The following ANO1 variants were observed in gnomAD, a reference collection of about 807,000 sequenced individuals.
ANO1 encodes the protein anoctamin-1.
ANO1 carries 59 observed loss-of-function variants against 124.0 expected under a neutral mutation model. That is an observed-to-expected ratio of 0.48 (90% CI 0.39 to 0.59). The LOEUF (loss-of-function observed/expected upper bound fraction) is 0.59. Ranked by LOEUF, ANO1 falls within the 20% of genes least tolerant of loss-of-function variation. The probability of loss-of-function intolerance (pLI) is 0.00; values close to 1 mark genes in which losing one functional copy is unlikely to be tolerated. For synonymous variants in ANO1, 529 were observed against 532.0 expected (o/e 0.99, Z 0.08); for missense variants, 1,059 against 1,328.0 (o/e 0.80, Z 3.15).
At chr11:70,065,932 GT>G (rs1478135129) in intron 1 of ANO1, among the ~76,000 whole-genome samples, 7 of 152,110 alleles carry the variant, frequency 4.6e-5, no homozygotes, top group Admixed American at 3.9e-4. Context: ...CTAGCCCGCC[GT>G]CCCCTCTTCC....
At chr11:70,097,261 C>T (rs1232100459) in intron 2 of ANO1, among the ~76,000 whole-genome samples, 1 of 152,198 alleles carries the variant, frequency 6.6e-6, no homozygotes, top group Non-Finnish European at 1.5e-5. Flanking sequence ...CTGATCCACC[C>T]ACGGCTGCAT....
At chr11:70,033,134 G>A (rs782165444) in intron 1 of ANO1, among the ~76,000 whole-genome samples, 10 of 152,088 alleles carry the variant, frequency 6.6e-5, no homozygotes, top group Non-Finnish European at 4.4e-5. Flanking sequence ...TAGATCCAGG[G>A]GTCAGGCTCC....
rs746941342 is a variant in ANO1 at position 70,182,634 on chromosome 11, G to A, written c.2536G>A (p.Gly846Ser). ...CTTCAACGTCAGTGACTTCCAGAACGGCACGGCCCCCAATGACCCCCTGGA... is the reference window on the plus strand; with the variant it reads ...CTTCAACGTCAGTGACTTCCAGAACAGCACGGCCCCCAATGACCCCCTGGA... ...SSFNVSDFQN[G>S]TAPNDPLDLG... is the part of the protein sequence containing the mutation. The change falls in exon 24 of 26, where the codon GGC becomes AGC. Residue 846 changes from glycine to serine, a missense_variant. Transcript: ENST00000355303. The A allele has an allele frequency of 1.1e-5, 17 of 1,612,690 alleles. No individual in the cohort carries two copies. Among genetic ancestry groups the A allele is most frequent in the South Asian group, 4.4e-5 (4 of 90,908 alleles).
chr11:69,976,507 TAAAAAAAAAAAAAAAAAAA>T, the ANO1 span, among the ~76,000 whole-genome samples: 125 of 74,446 alleles, frequency 1.7e-3, 2 homozygotes, highest in African/African-American at 7.1e-3. Context: ...ACTCCGTCTC[TAAAAAAAAAAAAAAAAAAA>T]AAAAAAAAAA....
At chr11:70,123,334 C>T (rs555644146) in intron 8 of ANO1, among the ~76,000 whole-genome samples, 5 of 152,328 alleles carry the variant, frequency 3.3e-5, no homozygotes, top group African/African-American at 1.2e-4. Flanking sequence ...CGTGGGTACA[C>T]CTGCACTGTT....
chr11:70,068,664 C>G (rs782798586), intron 1 of ANO1, among the ~76,000 whole-genome samples: 16 of 152,088 alleles, frequency 1.1e-4, no homozygotes, highest in Non-Finnish European at 1.6e-4. Flanking sequence ...CAATTAACTC[C>G]TGGGAGGAGG....
chr11:70,029,099 G>A (rs782373815), intron 1 of ANO1, among the ~76,000 whole-genome samples: 1 of 152,194 alleles, frequency 6.6e-6, no homozygotes, highest in Non-Finnish European at 1.5e-5. Flanking sequence ...TAAGTTTCTT[G>A]AAGGCAGGGC....
chr11:70,079,662 C>T (rs889410815), intron 1 of ANO1, among the ~76,000 whole-genome samples: 1 of 152,166 alleles, frequency 6.6e-6, no homozygotes, highest in Non-Finnish European at 1.5e-5. Context: ...CTACCTTCTT[C>T]CCATGCAGAC....
rs946840996 is a variant in ANO1, at chr11:70,137,808, A to G, written c.1258+5729A>G. ...AGGTTCGCATCTGTAGAACGGAGAC[A>G]CAGTCCCACCCCACAGGGTTGCTGG... On this transcript the variant is annotated intron_variant, in intron 11 of 25. Transcript: ENST00000355303. 3.9e-4 allele frequency among the ~76,000 whole-genome samples: 58 copies of G among 147,546 alleles called. 9 individuals carry two copies. Among genetic ancestry groups the G allele is most frequent in the Non-Finnish European group, 7.3e-4 (48 of 66,204 alleles).
intron 1 of ANO1, among the ~76,000 whole-genome samples, chr11:70,026,339 G>A (rs1288569416): frequency 6.7e-6 from 1 of 150,130 alleles, no homozygotes; most frequent in Non-Finnish European, 1.5e-5. Context: ...GGTGGTGGTG[G>A]TGGTGGTGGT....
chr11:70,168,543 C>G (rs2048339706), intron 21 of ANO1, among the ~76,000 whole-genome samples: 1 of 152,098 alleles, frequency 6.6e-6, no homozygotes, highest in Non-Finnish European at 1.5e-5. Context: ...ATAGCCCTAC[C>G]CCTAGAGCAG....
At chr11:70,178,625 G>A (rs1405701585) in intron 22 of ANO1, among the ~76,000 whole-genome samples, 4 of 151,100 alleles carry the variant, frequency 2.6e-5, no homozygotes, top group Non-Finnish European at 4.4e-5. Context: ...ATGCAGTGGC[G>A]TGATCTCGGC....
intron 11 of ANO1, 113 bp from the exon 12 acceptor site, chr11:70,149,597 T>C: frequency 9.2e-7 from 1 of 1,085,860 alleles, no homozygotes; most frequent in Non-Finnish European, 1.3e-6. Context: ...TTGCAGTGGG[T>C]GGAGATTGCG....
At chr11:70,177,598 T>C (rs867959248) in intron 22 of ANO1, among the ~76,000 whole-genome samples, 3 of 133,598 alleles carry the variant, frequency 2.2e-5, no homozygotes, top group East Asian at 4.6e-4. Flanking sequence ...TTTTTTCTTT[T>C]TTTTTTTTTT....
intron 20 of ANO1, among the ~76,000 whole-genome samples, chr11:70,165,784 G>A (rs573164086): frequency 6.6e-6 from 1 of 152,316 alleles, no homozygotes; most frequent in African/African-American, 2.4e-5. Flanking sequence ...ACTTTGGGAA[G>A]CTGAGGCAGA....
intron 8 of ANO1, among the ~76,000 whole-genome samples, chr11:70,119,261 G>GGGGT (rs1445554026): frequency 1.2e-5 from 1 of 83,164 alleles, no homozygotes; most frequent in Non-Finnish European, 2.3e-5. Context: ...GGATGATGGG[G>GGGGT]GGGTGGGTGG....
At chr11:70,116,399 T>C in intron 7 of ANO1, 59 bp from the exon 8 acceptor site, 1 of 1,493,060 alleles carries the variant, frequency 6.7e-7, no homozygotes, top group Non-Finnish European at 9.2e-7. Context: ...ATAATGGATG[T>C]GAGCGCCTCC....
At chr11:69,988,965 TAGAC>T (rs1268986274) in intron 1 of ANO1, among the ~76,000 whole-genome samples, 11 of 134,390 alleles carry the variant, frequency 8.2e-5, no homozygotes, top group Admixed American at 2.3e-4. Context: ...AGGAAGGAAA[TAGAC>T]AGGGAAGGAG....
chr11:70,170,094 C>A (rs1031486791), intron 21 of ANO1: 6 of 455,060 alleles, frequency 1.3e-5, no homozygotes, highest in South Asian at 3.1e-5. Flanking sequence ...CTGTCCTGGG[C>A]AGTGGGTCCC....
Sources: gnomAD v4.1 joint callset for allele counts (sites outside exome capture counted in the v4.1 genomes callset) on GRCh38, gnomAD v4.1.1 for gene constraint, MANE v1.5 for transcripts, NCBI Gene and HGNC (gene_info 2026-07-23, HGNC 2026-07-21) for gene names.